The following GNB4 variants were observed in gnomAD, a reference collection of about 807,000 sequenced individuals.
GNB4 encodes the protein G protein subunit beta 4.
GNB4 carries 28 observed loss-of-function variants against 45.2 expected under a neutral mutation model. The ratio of observed to expected loss-of-function variants is 0.62; its 90% CI spans 0.46 to 0.85. GNB4 has a LOEUF of 0.85. Among genes scored for constraint, GNB4 ranks in the 40% least tolerant of loss-of-function variants. GNB4 has a pLI of 0.00. For missense variants in GNB4, 321 were observed against 425.4 expected, an observed-to-expected ratio of 0.75 and a Z score of 2.16; for synonymous variants, 132 against 143.7, an observed-to-expected ratio of 0.92 and a Z score of 0.58.
chr3:179,517,673 C>A, the GNB4 span, among the ~76,000 whole-genome samples: 1 of 124,656 alleles, frequency 8.0e-6, no homozygotes. Flanking sequence ...CTCTTGCTAT[C>A]CCTCAACCTC....
chr3:179,508,932 G>GTGTA, the GNB4 span, among the ~76,000 whole-genome samples: 1 of 102,178 alleles, frequency 9.8e-6, no homozygotes, highest in African/African-American at 4.6e-5. Flanking sequence ...TTCAGCATGT[G>GTGTA]TATATATATA....
At chr3:179,496,627 G>C in the GNB4 span, among the ~76,000 whole-genome samples, 2 of 152,120 alleles carry the variant, frequency 1.3e-5, no homozygotes, top group African/African-American at 4.8e-5. Context: ...CACATAGGCT[G>C]AAAATAAAAG....
At chr3:179,421,408 TAAAA>T (rs568369773) in intron 2 of GNB4, among the ~76,000 whole-genome samples, 7 of 152,120 alleles carry the variant, frequency 4.6e-5, no homozygotes, top group African/African-American at 1.4e-4. Flanking sequence ...ACATATTTAA[TAAAA>T]AAAGTTTTAC....
At chr3:179,462,654 T>C in the GNB4 span, among the ~76,000 whole-genome samples, 1 of 151,960 alleles carries the variant, frequency 6.6e-6, no homozygotes, top group Non-Finnish European at 1.5e-5. Flanking sequence ...GCCTGGCCAA[T>C]ATGGTGAAAT....
chr3:179,502,578 C>T, the GNB4 span, among the ~76,000 whole-genome samples: 8 of 152,130 alleles, frequency 5.3e-5, no homozygotes, highest in Middle Eastern at 3.4e-3. Context: ...TGAACAACAT[C>T]ATCTTCATCA....
the GNB4 span, among the ~76,000 whole-genome samples, chr3:179,489,199 C>A: frequency 1.3e-5 from 2 of 150,580 alleles, no homozygotes; most frequent in Non-Finnish European, 3.0e-5. Context: ...TCATGTTATA[C>A]AATTTGTTTA....
intron 4 of GNB4, among the ~76,000 whole-genome samples, chr3:179,417,437 T>A: frequency 6.7e-6 from 1 of 149,994 alleles, no homozygotes; most frequent in East Asian, 2.0e-4. Context: ...AGACAGACAC[T>A]CACTGTGACA....
At chr3:179,467,113 A>T in the GNB4 span, among the ~76,000 whole-genome samples, 4 of 152,202 alleles carry the variant, frequency 2.6e-5, no homozygotes, top group African/African-American at 9.6e-5. Flanking sequence ...TCCTGGGCTT[A>T]AACTATCCTC....
chr3:179,432,832 T>C (rs1286035697), intron 1 of GNB4, among the ~76,000 whole-genome samples: 1 of 152,040 alleles, frequency 6.6e-6, no homozygotes, highest in Non-Finnish European at 1.5e-5. Flanking sequence ...TTTACATCCA[T>C]AGTTTAATAA....
the GNB4 span, among the ~76,000 whole-genome samples, chr3:179,461,450 T>A: frequency 6.6e-6 from 1 of 150,442 alleles, no homozygotes; most frequent in African/African-American, 2.5e-5. Context: ...TGAGCCGAGA[T>A]TGCGCCACTG....
At chr3:179,408,507 G>A (rs1234606526) in intron 8 of GNB4, among the ~76,000 whole-genome samples, 4 of 152,122 alleles carry the variant, frequency 2.6e-5, no homozygotes, top group Admixed American at 2.6e-4. Context: ...AATCTGATTA[G>A]GGGCTCGGTG....
chr3:179,522,960 G>A, the GNB4 span, among the ~76,000 whole-genome samples: 1 of 151,760 alleles, frequency 6.6e-6, no homozygotes, highest in South Asian at 2.1e-4. Context: ...GAGCTAGTGT[G>A]AGAGTAGCTT....
chr3:179,483,799 G>GT, the GNB4 span, among the ~76,000 whole-genome samples: 1 of 152,128 alleles, frequency 6.6e-6, no homozygotes, highest in East Asian at 1.9e-4. Context: ...TTTTAAGAGA[G>GT]TTTTTTCTTT....
Position 179,400,508 on chromosome 3 carries a change from CTACT to C in GNB4, c.*701_*704del, listed in dbSNP as rs1405589627. 6.6e-6 allele frequency: 1 copy of C among 152,136 alleles called. No individual in the cohort carries two copies. The highest frequency in any genetic ancestry group is 2.4e-5 in the African/African-American group (1 of 41,416). The allele number at this position is 152,136 out of a possible 1,614,324, so 9.4% of individuals were successfully genotyped here. A position where few individuals can be genotyped will look rare whatever the true frequency, so the allele number is the denominator to read the frequency against. On this transcript the variant is annotated 3_prime_UTR_variant, in exon 10 of 10. Transcript: ENST00000232564. The stretch of plus-strand genomic sequence containing the variant: ...TCAAGAACCATTTATATGCTATTAC[CTACT>C]TTTTATTAATTATAATGATGTTTCT...
intron 8 of GNB4, among the ~76,000 whole-genome samples, chr3:179,407,563 A>C (rs1253379757): frequency 6.6e-6 from 1 of 152,216 alleles, no homozygotes; most frequent in Non-Finnish European, 1.5e-5. Context: ...GGTGAAGGGA[A>C]GAGAAACGCA....
the GNB4 span, among the ~76,000 whole-genome samples, chr3:179,469,521 G>A: frequency 6.6e-6 from 1 of 152,138 alleles, no homozygotes; most frequent in Non-Finnish European, 1.5e-5. Context: ...AGATAGTTGT[G>A]TCAAGTTCTG....
At chr3:179,466,007 G>GTTTT in the GNB4 span, among the ~76,000 whole-genome samples, 2 of 90,908 alleles carry the variant, frequency 2.2e-5, no homozygotes, top group Admixed American at 1.2e-4. Context: ...TCCTCTAGTC[G>GTTTT]TTTTTTTTTT....
rs149768099 is a variant in GNB4 at position 179,429,562 on chromosome 3, T to C, written c.-42-3320A>G. On this transcript the variant is annotated intron_variant, in intron 1 of 9. Coordinates refer to ENST00000232564, the MANE Select transcript of GNB4 (RefSeq NM_021629.4). ...AGTGAGTTTGTGGCTCATCCCTTCT[T>C]AACCAGGCTTCATCCAGTACTTCAT... Among the ~76,000 whole-genome samples, 1,036 of 152,278 alleles carry C rather than the reference T, an allele frequency of 6.8e-3. 14 individuals are homozygous for C. Among genetic ancestry groups the C allele is most frequent in the African/African-American group, 0.024 (988 of 41,526 alleles).
the GNB4 span, among the ~76,000 whole-genome samples, chr3:179,518,256 G>A: frequency 6.6e-6 from 1 of 152,138 alleles, no homozygotes; most frequent in Non-Finnish European, 1.5e-5. Flanking sequence ...CCAGAAAATG[G>A]CAGTTTTGAT....
Sources: gnomAD v4.1 joint callset for allele counts (sites outside exome capture counted in the v4.1 genomes callset) on GRCh38, gnomAD v4.1.1 for gene constraint, MANE v1.5 for transcripts, NCBI Gene and HGNC (gene_info 2026-07-23, HGNC 2026-07-21) for gene names.